LRRTM4: variants seen among roughly 807,000 people sequenced by gnomAD.
LRRTM4 encodes leucine rich repeat transmembrane neuronal 4.
In LRRTM4, 25 loss-of-function variants were observed where a neutral mutation model predicts 47.6. The observed-to-expected ratio is 0.53, with a 90% confidence interval of 0.38 to 0.73. The LOEUF (loss-of-function observed/expected upper bound fraction) is 0.73, where lower values mean the gene tolerates loss of function less well. LRRTM4 is among the 30% of genes least tolerant of loss of function. The pLI is 0.00. For missense variants in LRRTM4, 638 were observed against 713.4 expected (o/e 0.89, Z 1.20); for synonymous variants, 311 against 269.5 (o/e 1.15, Z -1.51).
At chr2:76,926,505 G>A (rs77138439) in intron 3 of LRRTM4, among the ~76,000 whole-genome samples, 3,176 of 152,182 alleles carry the variant, frequency 0.021, 96 homozygotes, top group African/African-American at 0.068. Context: ...TGTGTCTACC[G>A]AAAAGCACAT....
At chr2:77,169,086 T>C (rs1365682331) in intron 3 of LRRTM4, among the ~76,000 whole-genome samples, 1 of 152,126 alleles carries the variant, frequency 6.6e-6, no homozygotes, top group Non-Finnish European at 1.5e-5. Context: ...TTCAGCATAG[T>C]CAAGATCATA....
intron 3 of LRRTM4, among the ~76,000 whole-genome samples, chr2:76,992,466 T>C (rs1363820600): frequency 5.9e-5 from 9 of 151,730 alleles, no homozygotes; most frequent in Admixed American, 5.9e-4. Flanking sequence ...AAAAAATCAG[T>C]GTTGTATCTA....
chr2:77,510,802 G>A (rs1167439940), intron 3 of LRRTM4, among the ~76,000 whole-genome samples: 2 of 151,812 alleles, frequency 1.3e-5, no homozygotes, highest in Non-Finnish European at 2.9e-5. Flanking sequence ...AATGATATTT[G>A]AAGATCTGAA....
rs932388695 is a variant in LRRTM4, at chr2:76,999,784, A to G, written c.1552-250868T>C. Among the ~76,000 whole-genome samples the G allele has an allele frequency of 2.6e-5, 4 of 152,096 alleles. No individual in the cohort carries two copies. The East Asian group carries it at 5.8e-4, about 22-fold the overall frequency. On this transcript the variant is annotated intron_variant, in intron 3 of 3. Transcript: ENST00000409884. ...ATTTCTCTGTCTGTACCTATTTTCC[A>G]CTTGTCTCAGGATCTCAACTAAAAG... is the stretch of plus-strand genomic sequence containing the variant.
intron 3 of LRRTM4, among the ~76,000 whole-genome samples, chr2:77,065,574 G>A (rs1679924510): frequency 6.6e-6 from 1 of 152,038 alleles, no homozygotes; most frequent in African/African-American, 2.4e-5. Context: ...TAGTCTAACA[G>A]AATAACACGT....
intron 3 of LRRTM4, among the ~76,000 whole-genome samples, chr2:76,860,384 A>T (rs1283598419): frequency 6.6e-6 from 1 of 152,192 alleles, no homozygotes; most frequent in Non-Finnish European, 1.5e-5. Context: ...GTGTGTTTAC[A>T]TGTGGAGCAG....
At chr2:77,300,803 A>G (rs1436530671) in intron 3 of LRRTM4, among the ~76,000 whole-genome samples, 2 of 152,112 alleles carry the variant, frequency 1.3e-5, no homozygotes, top group African/African-American at 4.8e-5. Flanking sequence ...TGATTAAGAT[A>G]GCAACTTGTA....
At chr2:77,020,305 T>G (rs1230203400) in intron 3 of LRRTM4, among the ~76,000 whole-genome samples, 1 of 152,140 alleles carries the variant, frequency 6.6e-6, no homozygotes, top group East Asian at 1.9e-4. Flanking sequence ...CAATAAGAAT[T>G]AAATCTAGTG....
rs982047868 is a variant in LRRTM4, at chr2:76,816,326, G to A, written c.1552-67410C>T. ...GGCTGCTTTGACTATGCATCTCACC[G>A]ACATCTGAAGTATAATTATTGACCC... is the stretch of plus-strand genomic sequence containing the variant. On this transcript the variant is annotated intron_variant, in intron 3 of 3. Coordinates refer to ENST00000409884, the MANE Select transcript of LRRTM4 (RefSeq NM_001134745.3). 1.1e-4 allele frequency among the ~76,000 whole-genome samples: 16 copies of A among 152,142 alleles called. No homozygotes were observed. In the South Asian group the frequency reaches 1.7e-3, roughly 16 times the overall value.
intron 3 of LRRTM4, among the ~76,000 whole-genome samples, chr2:77,070,846 G>T (rs144959869): frequency 6.6e-6 from 1 of 152,122 alleles, no homozygotes; most frequent in East Asian, 1.9e-4. Context: ...GGCCAGGCTG[G>T]TCTCGAACTC....
chr2:77,090,730 C>G (rs1049495478), intron 3 of LRRTM4, among the ~76,000 whole-genome samples: 1 of 152,164 alleles, frequency 6.6e-6, no homozygotes, highest in African/African-American at 2.4e-5. Flanking sequence ...CCATTTGTGC[C>G]AGACCCCACT....
chr2:76,886,523 G>A (rs554272121), intron 3 of LRRTM4, among the ~76,000 whole-genome samples: 25 of 151,978 alleles, frequency 1.6e-4, no homozygotes, highest in African/African-American at 5.8e-4. Context: ...GATAATATGA[G>A]TTAATATGGA....
At chr2:76,793,603 GGT>G (rs1675096804) in intron 3 of LRRTM4, among the ~76,000 whole-genome samples, 2 of 98,882 alleles carry the variant, frequency 2.0e-5, no homozygotes, top group African/African-American at 4.4e-5. Flanking sequence ...CTGTGCTCTC[GGT>G]AAGTTAAGTT....
intron 3 of LRRTM4, among the ~76,000 whole-genome samples, chr2:77,238,999 C>A (rs1423089893): frequency 6.6e-6 from 1 of 151,642 alleles, no homozygotes; most frequent in Non-Finnish European, 1.5e-5. Flanking sequence ...AAGGTACCCA[C>A]AATTTTTTTA....
chr2:77,315,322 G>A (rs1237686584), intron 3 of LRRTM4, among the ~76,000 whole-genome samples: 1 of 152,092 alleles, frequency 6.6e-6, no homozygotes, highest in Non-Finnish European at 1.5e-5. Context: ...TTGTAGAAGT[G>A]TTTGTTCACA....
intron 3 of LRRTM4, among the ~76,000 whole-genome samples, chr2:76,864,928 G>A (rs1429360256): frequency 2.7e-5 from 4 of 149,930 alleles, no homozygotes; most frequent in Non-Finnish European, 5.9e-5. Context: ...ATAGAGACAG[G>A]GTACCACTAT....
At chr2:77,045,330 CTAT>C (rs150666924) in intron 3 of LRRTM4, among the ~76,000 whole-genome samples, 2,659 of 151,948 alleles carry the variant, frequency 0.017, 80 homozygotes, top group African/African-American at 0.061. Context: ...TTCCTTTTAT[CTAT>C]TATTTATTTT....
In LRRTM4 at chr2:77,430,323, C is replaced by A. The variant is rs555868873; in HGVS notation, c.1551+87995G>T. Among the ~76,000 whole-genome samples, 3 of 152,240 alleles carry A rather than the reference C, an allele frequency of 2.0e-5. No homozygotes were observed. The East Asian group carries it at 5.8e-4, about 29-fold the overall frequency. ...TATATCCCATATAATCACTTAAAATCTAGGTAATCTCTTAACCTTTTAAAA... is the reference window on the plus strand; with the variant it reads ...TATATCCCATATAATCACTTAAAATATAGGTAATCTCTTAACCTTTTAAAA... On this transcript the variant is annotated intron_variant, in intron 3 of 3. Coordinates refer to ENST00000409884, the MANE Select transcript of LRRTM4 (RefSeq NM_001134745.3).
chr2:76,926,434 C>A (rs1054886580), intron 3 of LRRTM4, among the ~76,000 whole-genome samples: 1 of 152,020 alleles, frequency 6.6e-6, no homozygotes, highest in African/African-American at 2.4e-5. Flanking sequence ...TCTATCATTG[C>A]CTATTTTGTA....
Sources: allele counts gnomAD v4.1 joint callset (sites outside exome capture counted in the v4.1 genomes callset), GRCh38; gene constraint gnomAD v4.1.1; transcripts MANE v1.5; gene names NCBI Gene and HGNC (gene_info 2026-07-23, HGNC 2026-07-21).